Variants in UQCC1 observed in about 807,000 individuals in gnomAD.
UQCC1 encodes the protein bFGF-repressed Zic-binding protein.
In UQCC1, 38 loss-of-function variants were observed where a neutral mutation model predicts 48.0. That is an observed-to-expected ratio of 0.79 (90% confidence interval 0.61 to 1.04). UQCC1 has a LOEUF of 1.04. Ranked by LOEUF, UQCC1 falls within the 50% of genes least tolerant of loss-of-function variation. The probability of loss-of-function intolerance (pLI) is 0.00; values close to 1 mark genes in which losing one functional copy is unlikely to be tolerated. For synonymous variants in UQCC1, 111 were observed against 129.2 expected, an observed-to-expected ratio of 0.86 and a Z score of 0.95; for missense variants, 368 against 381.8, an observed-to-expected ratio of 0.96 and a Z score of 0.30.
Position 35,322,710 on chromosome 20 carries a change from C to A in UQCC1, c.574-7945G>T, listed in dbSNP as rs1222679296. Among the ~76,000 whole-genome samples the A allele has an allele frequency of 2.0e-5, 3 of 151,974 alleles. No individual in the cohort carries two copies. The East Asian group carries it at 5.8e-4, about 29-fold the overall frequency. On this transcript the variant is annotated intron_variant, in intron 7 of 9. Coordinates refer to ENST00000374385, the MANE Select transcript of UQCC1 (RefSeq NM_018244.5). The stretch of plus-strand genomic sequence containing the variant: ...ATTGTGCCACTGCACTCCAGCCTGG[C>A]AACTGAGCAAGACTCTGTCTCAAAA...
intron 5 of UQCC1, 76 bp from the exon 6 acceptor site, chr20:35,366,690 G>T: frequency 7.7e-7 from 1 of 1,293,828 alleles, no homozygotes; most frequent in Non-Finnish European, 1.1e-6. Flanking sequence ...ATATTGGCAG[G>T]CACGGCACTT....
chr20:35,326,955 T>C (rs976541424), intron 7 of UQCC1, among the ~76,000 whole-genome samples: 4 of 152,196 alleles, frequency 2.6e-5, no homozygotes, highest in Non-Finnish European at 5.9e-5. Flanking sequence ...TCACTTGTCA[T>C]GGATGCTGAG....
intron 7 of UQCC1, chr20:35,315,577 C>G (rs2061048440): frequency 6.6e-6 from 1 of 152,272 alleles, no homozygotes; most frequent in African/African-American, 2.4e-5. Context: ...AGCTCTGAAG[C>G]AAGAAGAATG....
In UQCC1 at chr20:35,394,089, T is replaced by C. The variant is rs972104693; in HGVS notation, c.129+3A>G. ...TACTAAGCAAAAGAACAACAAATCT[T>C]ACCTGGGAAGTGCGAGACAGAGCCC... On this transcript the variant is annotated splice_donor_region_variant and intron_variant, in intron 2 of 9. Coordinates refer to ENST00000374385, the MANE Select transcript of UQCC1 (RefSeq NM_018244.5). 8.7e-6 allele frequency: 14 copies of C among 1,612,226 alleles called. No individual in the cohort carries two copies. Among genetic ancestry groups the C allele is most frequent in the Middle Eastern group, 1.6e-4 (1 of 6,080 alleles).
At chr20:35,343,689 G>T (rs2061404535) in intron 7 of UQCC1, among the ~76,000 whole-genome samples, 1 of 152,030 alleles carries the variant, frequency 6.6e-6, no homozygotes, top group African/African-American at 2.4e-5. Context: ...CCGGAATTTG[G>T]GCACTTCTCT....
At chr20:35,356,377 C>T (rs17092592) in intron 6 of UQCC1, among the ~76,000 whole-genome samples, 4,271 of 152,160 alleles carry the variant, frequency 0.028, 211 homozygotes, top group African/African-American at 0.097. Context: ...ATCTGATTGA[C>T]GCTGAATTCA....
At chr20:35,321,252 C>CTG (rs58532328) in intron 7 of UQCC1, among the ~76,000 whole-genome samples, 39,203 of 146,882 alleles carry the variant, frequency 0.27, 5,763 homozygotes, top group East Asian at 0.49. Context: ...ACAAACAAAA[C>CTG]TGTGTGTGTG....
At chr20:35,331,740 C>T (rs1225768226) in intron 7 of UQCC1, among the ~76,000 whole-genome samples, 2 of 152,284 alleles carry the variant, frequency 1.3e-5, no homozygotes, top group South Asian at 4.2e-4. Flanking sequence ...CCAGGCAGAA[C>T]AGGAGACGGA....
chr20:35,407,471 T>G (rs545737650), intron 1 of UQCC1, among the ~76,000 whole-genome samples: 115 of 151,604 alleles, frequency 7.6e-4, no homozygotes, highest in African/African-American at 2.6e-3. Context: ...TAAGTTGGAC[T>G]TCATGAAAAT....
chr20:35,392,332 G>A lies in UQCC1; in HGVS notation c.129+1760C>T, dbSNP rs1601009026. 8.6e-6 allele frequency: 11 copies of A among 1,276,434 alleles called. No homozygotes were observed. In the South Asian group the frequency reaches 1.2e-4, roughly 14 times the overall value. 79.1% of individuals were successfully genotyped at this position (1,276,434 alleles called of 1,614,324 possible). ...TACAGTCGATACGACAAAAGGTCCA[G>A]TTGATTTACAATGACTAAAATTACA... On this transcript the variant is annotated intron_variant, in intron 2 of 9. Transcript: ENST00000374385.
intron 7 of UQCC1, among the ~76,000 whole-genome samples, chr20:35,323,328 A>G (rs2061153369): frequency 6.6e-6 from 1 of 152,252 alleles, no homozygotes; most frequent in Non-Finnish European, 1.5e-5. Context: ...GAGATTCGAC[A>G]AGGTCAAATG....
chr20:35,334,649 G>A (rs1341437830), intron 7 of UQCC1, among the ~76,000 whole-genome samples: 3 of 152,184 alleles, frequency 2.0e-5, no homozygotes, highest in Non-Finnish European at 4.4e-5. Context: ...AGACTAGGGA[G>A]TCATGGAAAA....
intron 1 of UQCC1, chr20:35,410,025 T>TG (rs1261082264): frequency 6.6e-6 from 1 of 151,888 alleles, no homozygotes; most frequent in Non-Finnish European, 1.5e-5. Context: ...AGGCTGGTCT[T>TG]GAACTCCTGG....
In UQCC1 at chr20:35,366,788, C is replaced by T. The variant is rs141130286; in HGVS notation, c.407-174G>A. Among the ~76,000 whole-genome samples, 34 of 151,882 alleles carry T rather than the reference C, an allele frequency of 2.2e-4. No individual in the cohort carries two copies. The East Asian group carries it at 3.9e-3, about 17-fold the overall frequency. ...GATAAAAGAACTTTGAATCATAGCA[C>T]GCCAGGAGTAAAAGAAAAAAAAAGG... On this transcript the variant is annotated intron_variant, in intron 5 of 9. Coordinates refer to ENST00000374385, the MANE Select transcript of UQCC1 (RefSeq NM_018244.5).
intron 6 of UQCC1, among the ~76,000 whole-genome samples, chr20:35,359,138 T>C (rs1324544558): frequency 6.6e-6 from 1 of 152,196 alleles, no homozygotes; most frequent in Non-Finnish European, 1.5e-5. Context: ...TCCTGCCTTA[T>C]AGAAAATAAT....
chr20:35,379,091 T>C (rs1191756816), intron 4 of UQCC1, among the ~76,000 whole-genome samples: 1 of 152,324 alleles, frequency 6.6e-6, no homozygotes, highest in African/African-American at 2.4e-5. Flanking sequence ...ACCTATTCTA[T>C]GGCATGTGGC....
chr20:35,366,137 A>C (rs2061663801), intron 6 of UQCC1, among the ~76,000 whole-genome samples: 2 of 152,346 alleles, frequency 1.3e-5, no homozygotes, highest in South Asian at 4.1e-4. Context: ...TTTTAGAGGT[A>C]CAGGCGTAAA....
intron 7 of UQCC1, among the ~76,000 whole-genome samples, chr20:35,332,774 G>T (rs1010871201): frequency 1.3e-5 from 2 of 152,240 alleles, no homozygotes; most frequent in Non-Finnish European, 2.9e-5. Flanking sequence ...ACAGATGCGA[G>T]AAAGAGAATG....
chr20:35,321,283 T>TGCGC (rs60488465), intron 7 of UQCC1, among the ~76,000 whole-genome samples: 14 of 141,588 alleles, frequency 9.9e-5, no homozygotes, highest in African/African-American at 3.5e-4. Context: ...TGTGTGTGTG[T>TGCGC]GCGCGCGCGC....
Sources: gnomAD v4.1 joint callset for allele counts (sites outside exome capture counted in the v4.1 genomes callset) on GRCh38, gnomAD v4.1.1 for gene constraint, MANE v1.5 for transcripts, NCBI Gene and HGNC (gene_info 2026-07-23, HGNC 2026-07-21) for gene names.